CAMLG: variants seen among roughly 807,000 people sequenced by gnomAD.
The protein encoded by CAMLG is guided entry of tail-anchored proteins factor CAMLG.
In CAMLG, 23 loss-of-function variants were observed where a neutral mutation model predicts 28.9. The ratio of observed to expected loss-of-function variants is 0.80; its 90% confidence interval spans 0.57 to 1.13. CAMLG has a LOEUF of 1.13. Ranked by LOEUF, CAMLG falls within the 50% of genes most tolerant of loss-of-function variation. CAMLG has a pLI of 0.00. For synonymous variants in CAMLG, 141 were observed against 146.5 expected (o/e 0.96, Z 0.27); for missense variants, 367 against 371.9 (o/e 0.99, Z 0.11).
chr5:134,749,348 A>C (rs1407434958), intron 3 of CAMLG, among the ~76,000 whole-genome samples: 2 of 152,156 alleles, frequency 1.3e-5, no homozygotes, highest in African/African-American at 4.8e-5. Flanking sequence ...GATTACAGGC[A>C]TGAGCCGCTG....
chr5:134,747,449 T>G (rs984574287), intron 3 of CAMLG, among the ~76,000 whole-genome samples: 4 of 151,986 alleles, frequency 2.6e-5, no homozygotes, highest in African/African-American at 9.7e-5. Context: ...GTTCACACCA[T>G]TCTCCTACCT....
intron 3 of CAMLG, among the ~76,000 whole-genome samples, chr5:134,750,321 C>T (rs1328742693): frequency 3.3e-5 from 5 of 152,038 alleles, no homozygotes; most frequent in East Asian, 1.9e-4. Context: ...GGGCAGATCA[C>T]GAGATCAGGA....
rs750874481 is a variant in CAMLG, at chr5:134,741,124, T to G, written c.234T>G (p.Val78=). 3.7e-6 allele frequency: 6 copies of G among 1,614,028 alleles called. No individual in the cohort carries two copies. The Admixed American group carries it at 1.0e-4, about 27-fold the overall frequency. ...QDSDKLNSLS[V]PSVSKRVVLG... The stretch of plus-strand genomic sequence containing the variant: ...GTGATAAACTGAACTCCCTCAGCGT[T>G]CCTTCCGTTTCAAAGCGAGTAGTGC... The change falls in exon 2 of 4, where the codon GTT becomes GTG. Residue 78 remains valine (V), a synonymous_variant. Coordinates refer to ENST00000297156, the MANE Select transcript of CAMLG (RefSeq NM_001745.4).
At chr5:134,739,729 A>T (rs990652176) in intron 1 of CAMLG, among the ~76,000 whole-genome samples, 1 of 152,240 alleles carries the variant, frequency 6.6e-6, no homozygotes, top group Non-Finnish European at 1.5e-5. Flanking sequence ...AGTTCAAATG[A>T]GAGGTAAGAA....
chr5:134,739,963 A>C (rs1182819023), intron 1 of CAMLG, among the ~76,000 whole-genome samples: 2 of 151,984 alleles, frequency 1.3e-5, no homozygotes, highest in South Asian at 4.1e-4. Flanking sequence ...GCAGCCTCAA[A>C]CTCCTGGGCT....
rs560027009 is a variant in CAMLG, at chr5:134,741,538, G to A, written c.633+15G>A. ...GCAAATACTTGGTAAGAAAAGATCTGTAAATTATTAACTAACTTAATGGAA... is the reference window on the plus strand; with the variant it reads ...GCAAATACTTGGTAAGAAAAGATCTATAAATTATTAACTAACTTAATGGAA... On this transcript the variant is annotated intron_variant, in intron 2 of 3. Coordinates refer to ENST00000297156, the MANE Select transcript of CAMLG (RefSeq NM_001745.4). The A allele has an allele frequency of 4.0e-6, 6 of 1,505,318 alleles. No homozygotes were observed. The highest frequency in any genetic ancestry group is 2.3e-5 in the East Asian group (1 of 44,196). The allele number at this position is 1,505,318 out of a possible 1,614,324, so 93.2% of individuals were successfully genotyped here. A position where few individuals can be genotyped will look rare whatever the true frequency, so the allele number is the denominator to read the frequency against.
rs760036298 is a variant in CAMLG, at chr5:134,741,411, C to G, written c.521C>G (p.Pro174Arg). The G allele has an allele frequency of 1.2e-6, 2 of 1,613,706 alleles. No homozygotes were observed. The highest frequency in any genetic ancestry group is 1.7e-6 in the Non-Finnish European group (2 of 1,179,740). Residue 174 changes from proline (P) to arginine (R), a missense_variant, in exon 2 of 4, where the codon CCC (proline) becomes CGC (arginine). By Grantham distance (103) the Pro-to-Arg change is moderately radical. Coordinates refer to ENST00000297156, the MANE Select transcript of CAMLG (RefSeq NM_001745.4). ...AGGAAACAGCTGATTAGTGAAAAAC[C>G]CAGTCAAGAGGATGGAAATACAACA... ...KLRKQLISEK[P>R]SQEDGNTTEE... is the part of the protein sequence containing the mutation.
chr5:134,739,844 T>G (rs1752962419), intron 1 of CAMLG, among the ~76,000 whole-genome samples: 1 of 152,236 alleles, frequency 6.6e-6, no homozygotes, highest in Admixed American at 6.5e-5. Flanking sequence ...TTCTATATTT[T>G]GTTCTTTTGC....
intron 3 of CAMLG, among the ~76,000 whole-genome samples, chr5:134,749,066 A>C (rs1753083080): frequency 6.7e-6 from 1 of 149,432 alleles, no homozygotes; most frequent in Non-Finnish European, 1.5e-5. Flanking sequence ...TTAGGTAACT[A>C]TAGGGTTTTT....
chr5:134,738,636 G>A lies in CAMLG; in HGVS notation c.16G>A (p.Val6Ile), dbSNP rs1377219634. 2 of 1,611,172 alleles carry A rather than the reference G, an allele frequency of 1.2e-6. No individual in the cohort carries two copies. Among genetic ancestry groups the A allele is most frequent in the Non-Finnish European group, 1.7e-6 (2 of 1,179,218 alleles). ...GGACGGGAGGATGGAGTCGATGGCC[G>A]TCGCTACCGACGGCGGGGAGAGGCC... MESMA[V>I]ATDGGERPGV... is the part of the protein sequence containing the mutation. The change falls in exon 1 of 4, where the codon GTC becomes ATC. Residue 6 changes from valine to isoleucine, a missense_variant. By Grantham distance (29) the Val-to-Ile change is conservative (BLOSUM62 3). Transcript: ENST00000297156.
chr5:134,747,359 T>G (rs1336075371), intron 3 of CAMLG, among the ~76,000 whole-genome samples: 1 of 147,294 alleles, frequency 6.8e-6, no homozygotes, highest in African/African-American at 2.5e-5. Flanking sequence ...CTTTAGGTAA[T>G]TTTTTTTTTT....
chr5:134,747,329 C>G (rs558658414), intron 3 of CAMLG, among the ~76,000 whole-genome samples: 2 of 151,950 alleles, frequency 1.3e-5, no homozygotes, highest in East Asian at 3.9e-4. Flanking sequence ...CACTGACTTA[C>G]AATTTACTGT....
Position 134,751,381 on chromosome 5 carries a change from T to C in CAMLG, c.*431T>C, listed in dbSNP as rs149421056. ...AAATAAAATGAAAGAAACTGAATTG[T>C]CTAATGTTAACTCTGCACATTGTAA... On this transcript the variant is annotated 3_prime_UTR_variant, in exon 4 of 4. Transcript: ENST00000297156. The C allele has an allele frequency of 3.9e-5, 6 of 154,630 alleles. No individual in the cohort carries two copies. The highest frequency in any genetic ancestry group is 1.4e-4 in the African/African-American group (6 of 41,624). The allele number at this position is 154,630 out of a possible 1,614,324, so 9.6% of individuals were successfully genotyped here.
intron 1 of CAMLG, 24 bp downstream of exon 1, chr5:134,738,816 G>C (rs1311008697): frequency 6.2e-7 from 1 of 1,612,326 alleles, no homozygotes; most frequent in South Asian, 1.1e-5. Context: ...TTTCCCCTCA[G>C]TCTCCCGCCC....
chr5:134,748,989 GTTA>G (rs146022356), intron 3 of CAMLG, among the ~76,000 whole-genome samples: 3,471 of 151,364 alleles, frequency 0.023, 59 homozygotes, highest in African/African-American at 0.056. Flanking sequence ...CAGTTTTGGG[GTTA>G]TTATGACTAA....
intron 2 of CAMLG, among the ~76,000 whole-genome samples, chr5:134,742,694 C>T (rs1428529343): frequency 6.6e-6 from 1 of 152,058 alleles, no homozygotes; most frequent in Admixed American, 6.6e-5. Context: ...GTACCAGGCA[C>T]ATAAATATCC....
intron 2 of CAMLG, among the ~76,000 whole-genome samples, chr5:134,743,343 G>T (rs1332690530): frequency 6.6e-6 from 1 of 152,126 alleles, no homozygotes; most frequent in Non-Finnish European, 1.5e-5. Context: ...GACGCTAAAA[G>T]AATATGAAAG....
intron 1 of CAMLG, among the ~76,000 whole-genome samples, chr5:134,739,996 C>T (rs1752963972): frequency 6.6e-6 from 1 of 152,082 alleles, no homozygotes; most frequent in Non-Finnish European, 1.5e-5. Flanking sequence ...CTACCTCAGC[C>T]TCCGGAGTAG....
At chr5:134,744,596 T>C (rs899177092) in intron 3 of CAMLG, among the ~76,000 whole-genome samples, 5 of 152,058 alleles carry the variant, frequency 3.3e-5, no homozygotes, top group African/African-American at 1.2e-4. Flanking sequence ...AACATTGTTA[T>C]TCTGTTTTAC....
Sources: allele counts gnomAD v4.1 joint callset (sites outside exome capture counted in the v4.1 genomes callset), GRCh38; gene constraint gnomAD v4.1.1; transcripts MANE v1.5; gene names NCBI Gene and HGNC (gene_info 2026-07-23, HGNC 2026-07-21).